UBAP1L: variants seen among roughly 807,000 people sequenced by gnomAD.
UBAP1L encodes the protein ubiquitin-associated protein 1-like.
A neutral mutation model predicts 32.1 loss-of-function variants in UBAP1L; 32 were observed. The ratio of observed to expected loss-of-function variants is 1.00; its 90% CI spans 0.75 to 1.34. The LOEUF is 1.34. UBAP1L is among the 40% of genes most tolerant of loss of function. The pLI is 0.00. For missense variants in UBAP1L, 516 were observed against 540.5 expected (o/e 0.95, Z 0.45); for synonymous variants, 243 against 250.2 (o/e 0.97, Z 0.27).
chr15:65,107,739 CAAAAAA>C (rs56359277), intron 1 of UBAP1L, among the ~76,000 whole-genome samples: 24 of 94,766 alleles, frequency 2.5e-4, no homozygotes, highest in African/African-American at 6.7e-4. Flanking sequence ...AACGCTGTCT[CAAAAAA>C]AAAAAAAAAA....
At chr15:65,107,739 C>CAAAAAA (rs56359277) in intron 1 of UBAP1L, among the ~76,000 whole-genome samples, 1 of 94,752 alleles carries the variant, frequency 1.1e-5, no homozygotes. Context: ...AACGCTGTCT[C>CAAAAAA]AAAAAAAAAA....
intron 1 of UBAP1L, among the ~76,000 whole-genome samples, chr15:65,107,470 C>A (rs1347956960): frequency 6.6e-6 from 1 of 151,816 alleles, no homozygotes; most frequent in Non-Finnish European, 1.5e-5. Flanking sequence ...GTGGCTCACA[C>A]CTGTAATCCC....
chr15:65,113,943 G>A (rs1348241448), intron 1 of UBAP1L, among the ~76,000 whole-genome samples: 6 of 152,040 alleles, frequency 3.9e-5, no homozygotes, highest in East Asian at 1.9e-4. Flanking sequence ...CTAGAGTGCA[G>A]TGGCTCGATC....
At chr15:65,112,919 G>C (rs1385064640) in intron 1 of UBAP1L, among the ~76,000 whole-genome samples, 1 of 152,032 alleles carries the variant, frequency 6.6e-6, no homozygotes, top group Non-Finnish European at 1.5e-5. Flanking sequence ...TAAATCTCTG[G>C]AATCCAGCCA....
rs2087260083 is a variant in UBAP1L at position 65,102,742 on chromosome 15, C to T, written c.121-58G>A. Reference sequence around the variant, plus strand: ...AAACCAGGACCCCGGGGGCACAACACTAACCCCTGGCCTGGGGGACCCTGT... The same window carrying T: ...AAACCAGGACCCCGGGGGCACAACATTAACCCCTGGCCTGGGGGACCCTGT... On this transcript the variant is annotated intron_variant, in intron 2 of 5. Transcript: ENST00000559089. The surrounding 1 kb of genome is among the most constrained non-coding windows in gnomAD (Gnocchi z 5.0). 1 of 1,476,360 alleles carries T rather than the reference C, an allele frequency of 6.8e-7. No homozygotes were observed. Among genetic ancestry groups the T allele is most frequent in the Admixed American group, 2.0e-5 (1 of 49,068 alleles). The allele number at this position is 1,476,360 out of a possible 1,614,324, so 91.5% of individuals were successfully genotyped here. A position where few individuals can be genotyped will look rare whatever the true frequency, so the allele number is the denominator to read the frequency against.
Position 65,092,844 on chromosome 15 carries a change from G to C in UBAP1L, c.*253C>G. 5.8e-6 allele frequency: 3 copies of C among 520,296 alleles called. No individual in the cohort carries two copies. The highest frequency in any genetic ancestry group is 3.5e-5 in the East Asian group (1 of 28,858). The allele number at this position is 520,296 out of a possible 1,614,324, so 32.2% of individuals were successfully genotyped here. On this transcript the variant is annotated 3_prime_UTR_variant, in exon 6 of 6. Transcript: ENST00000559089. The stretch of plus-strand genomic sequence containing the variant: ...CACACAGTGTAAAGAGTCAAATCAG[G>C]TGGTTTCACAGGCATGCATGAAGAA...
At chr15:65,111,852 G>A (rs1051283214) in intron 1 of UBAP1L, among the ~76,000 whole-genome samples, 1 of 149,676 alleles carries the variant, frequency 6.7e-6, no homozygotes, top group Non-Finnish European at 1.5e-5. Context: ...GTGCAGTGGC[G>A]TGATCTGGGC....
chr15:65,107,639 T>C (rs1256017169), intron 1 of UBAP1L, among the ~76,000 whole-genome samples: 1 of 147,308 alleles, frequency 6.8e-6, no homozygotes, highest in Admixed American at 7.0e-5. Context: ...CTTGGGAGAC[T>C]GAGGCAGGAG....
chr15:65,097,987 C>T (rs1409479077), intron 4 of UBAP1L: 2 of 152,306 alleles, frequency 1.3e-5, no homozygotes, highest in African/African-American at 4.8e-5. Flanking sequence ...GTGCCAACTA[C>T]CCTGGGGCCA....
rs577397736 is a variant in UBAP1L, at chr15:65,112,603, A to G, written c.-174+2547T>C. Among the ~76,000 whole-genome samples the G allele has an allele frequency of 3.9e-5, 6 of 152,266 alleles. No individual in the cohort carries two copies. In the South Asian group the frequency reaches 1.2e-3, roughly 32 times the overall value. ...AGTATTGTTTCCAAAGGTCTTCACT[A>G]TACTCTCTAAATGACTTTATTCTTG... On this transcript the variant is annotated intron_variant, in intron 1 of 5. Coordinates refer to ENST00000559089, the MANE Select transcript of UBAP1L (RefSeq NM_001163692.2).
rs1595919738 is a variant in UBAP1L at position 65,099,658 on chromosome 15, G to A, written c.756C>T (p.Asn252=). ...CAGTATCAGGGTGTGACTTGTGGGG[G>A]TTGAGAGGTTGGGGTGCCCCCCCAA... ...PPLGGAPQPL[N]PHKSHPDTAA... Residue 252 remains asparagine, a synonymous_variant, in exon 4 of 6, where the codon AAC becomes AAT. Transcript: ENST00000559089. 1 of 1,551,572 alleles carries A rather than the reference G, an allele frequency of 6.4e-7. No homozygotes were observed. The highest frequency in any genetic ancestry group is 8.7e-7 in the Non-Finnish European group (1 of 1,146,936).
At chr15:65,110,316 G>T (rs1196740365) in intron 1 of UBAP1L, among the ~76,000 whole-genome samples, 1 of 150,876 alleles carries the variant, frequency 6.6e-6, no homozygotes, top group African/African-American at 2.4e-5. Context: ...CTGAAATCGC[G>T]CGACTGCACT....
At position 65,102,678 on chromosome 15, in the gene UBAP1L, AGTC is replaced by A. The variant is rs1421441162; in HGVS notation, c.124_126del (p.Asp42del). The A allele has an allele frequency of 1.3e-6, 2 of 1,547,026 alleles. No individual in the cohort carries two copies. The highest frequency in any genetic ancestry group is 2.5e-5 in the East Asian group (1 of 40,800). On this transcript the variant is annotated inframe_deletion, in exon 3 of 6. Transcript: ENST00000559089. The surrounding 1 kb of genome is among the most constrained non-coding windows in gnomAD (Gnocchi z 5.0). ...AAGAGTGCCGTCCTCTCCAGGCTGA[AGTC>A]GTGCTGCGGAAAGAAGGCGACGTAA...
At chr15:65,097,916 G>A (rs974811580) in intron 4 of UBAP1L, 10 of 152,200 alleles carry the variant, frequency 6.6e-5, no homozygotes, top group Non-Finnish European at 1.0e-4. Flanking sequence ...ACTCATCAGT[G>A]ATGATGGAGG....
At chr15:65,100,447 C>T (rs547632746) in intron 3 of UBAP1L, 1 of 152,380 alleles carries the variant, frequency 6.6e-6, no homozygotes, top group East Asian at 1.9e-4. Context: ...AGGGGTAGGT[C>T]TTCCCAACCA....
chr15:65,099,435 G>A (rs1243402981), intron 4 of UBAP1L, 70 bp downstream of exon 4: 2 of 1,483,426 alleles, frequency 1.3e-6, no homozygotes, highest in African/African-American at 1.4e-5. Context: ...CAGCTCAAAA[G>A]GTGAAAATCA....
rs2087134191 is a variant in UBAP1L, at chr15:65,092,950, T to TA, written c.*146dup. The stretch of plus-strand genomic sequence containing the variant: ...CTCTTTCAGCAGATTCTGCTGCTGT[T>TA]AACTGTCACCCTTGGTATTATTTGT... On this transcript the variant is annotated 3_prime_UTR_variant, in exon 6 of 6. Transcript: ENST00000559089. 7.8e-6 allele frequency: 9 copies of TA among 1,154,534 alleles called. No individual in the cohort carries two copies. In the South Asian group the frequency reaches 1.4e-4, roughly 18 times the overall value. 71.5% of individuals were successfully genotyped at this position (1,154,534 alleles called of 1,614,324 possible). A position where few individuals can be genotyped will look rare whatever the true frequency, so the allele number is the denominator to read the frequency against.
chr15:65,093,579 G>A (rs557879946), intron 5 of UBAP1L, among the ~76,000 whole-genome samples: 6 of 152,288 alleles, frequency 3.9e-5, no homozygotes, highest in South Asian at 4.1e-4. Context: ...GTCCCTGCCC[G>A]TGCCCTGAAC....
intron 1 of UBAP1L, among the ~76,000 whole-genome samples, chr15:65,106,981 T>G (rs2087319982): frequency 6.6e-6 from 1 of 151,950 alleles, no homozygotes; most frequent in African/African-American, 2.4e-5. Context: ...GATAAGAAAA[T>G]TAGAAACCAA....
Sources: allele counts gnomAD v4.1 joint callset (sites outside exome capture counted in the v4.1 genomes callset), GRCh38; gene constraint gnomAD v4.1.1; non-coding constraint Gnocchi (gnomAD v3.1); transcripts MANE v1.5; gene names NCBI Gene and HGNC (gene_info 2026-07-23, HGNC 2026-07-21).